PPA2: variants seen among roughly 807,000 people sequenced by gnomAD.
PPA2 encodes inorganic pyrophosphatase 2.
In PPA2, 48 loss-of-function variants were observed where a neutral mutation model predicts 49.5. That is an observed-to-expected ratio of 0.97 (90% CI 0.77 to 1.23). The LOEUF (loss-of-function observed/expected upper bound fraction) is 1.23. PPA2 is among the 50% of genes most tolerant of loss of function. The pLI is 0.00. For missense variants in PPA2, 429 were observed against 410.1 expected (o/e 1.05, Z -0.40); for synonymous variants, 131 against 139.9 (o/e 0.94, Z 0.45).
intron 7 of PPA2, among the ~76,000 whole-genome samples, 164 bp downstream of exon 7, chr4:105,424,032 T>C (rs148785169): frequency 1.4e-4 from 21 of 152,134 alleles, no homozygotes; most frequent in Non-Finnish European, 2.1e-4. Flanking sequence ...GGGAAACCAG[T>C]AGAATGTACT....
At position 105,458,550 on chromosome 4, in the gene PPA2, C is replaced by A. The variant is rs560952685; in HGVS notation, c.158-1805G>T. Among the ~76,000 whole-genome samples the A allele has an allele frequency of 1.6e-4, 24 of 152,126 alleles. 1 individual carries two copies. In the Middle Eastern group the frequency reaches 0.014, roughly 86 times the overall value. The stretch of plus-strand genomic sequence containing the variant: ...CAACAAAAACAGAGGCATGGCCGGG[C>A]ACGATGGCTCACGCTAATTCCAGCA... On this transcript the variant is annotated intron_variant, in intron 1 of 11. Coordinates refer to ENST00000341695, the MANE Select transcript of PPA2 (RefSeq NM_176869.3).
intron 5 of PPA2, among the ~76,000 whole-genome samples, chr4:105,442,986 G>T (rs755645192): frequency 6.6e-6 from 1 of 152,146 alleles, no homozygotes; most frequent in African/African-American, 2.4e-5. Flanking sequence ...CAGGCATTAA[G>T]CTGGGTAGTC....
At chr4:105,443,310 G>T (rs888307990) in intron 5 of PPA2, among the ~76,000 whole-genome samples, 2 of 151,972 alleles carry the variant, frequency 1.3e-5, no homozygotes, top group African/African-American at 4.8e-5. Flanking sequence ...TGTGCTTTGA[G>T]CACCAGAGTG....
intron 7 of PPA2, among the ~76,000 whole-genome samples, chr4:105,407,856 A>G (rs1218947653): frequency 6.6e-6 from 1 of 152,204 alleles, no homozygotes; most frequent in Non-Finnish European, 1.5e-5. Context: ...GAAGGGATTG[A>G]CTGCACAGGG....
At chr4:105,415,955 A>G (rs1487655289) in intron 7 of PPA2, among the ~76,000 whole-genome samples, 1 of 152,224 alleles carries the variant, frequency 6.6e-6, no homozygotes, top group Non-Finnish European at 1.5e-5. Flanking sequence ...GCAAATATCA[A>G]AGTTAATTAG....
intron 6 of PPA2, 120 bp downstream of exon 6, chr4:105,437,830 T>A: frequency 1.4e-6 from 1 of 693,352 alleles, no homozygotes; most frequent in Non-Finnish European, 2.3e-6. Context: ...GAGGGACTGA[T>A]AACAGAGAAA....
At chr4:105,446,206 G>T (rs1437116079) in intron 5 of PPA2, 177 bp downstream of exon 5, 10 of 563,676 alleles carry the variant, frequency 1.8e-5, no homozygotes, top group East Asian at 3.4e-5. Flanking sequence ...CATATATATG[G>T]TTTAAAACAA....
At chr4:105,429,095 G>A (rs1199550664) in intron 6 of PPA2, among the ~76,000 whole-genome samples, 2 of 152,120 alleles carry the variant, frequency 1.3e-5, no homozygotes, top group African/African-American at 2.4e-5. Context: ...AATCTACAAA[G>A]GGGATCATTT....
At chr4:105,458,472 C>T (rs1369596069) in intron 1 of PPA2, among the ~76,000 whole-genome samples, 2 of 152,086 alleles carry the variant, frequency 1.3e-5, no homozygotes, top group Non-Finnish European at 2.9e-5. Context: ...AAAATTATTC[C>T]AAAATGAAGT....
chr4:105,412,748 G>A lies in PPA2; in HGVS notation c.655+11448C>T, dbSNP rs567012989. 7.9e-5 allele frequency among the ~76,000 whole-genome samples: 12 copies of A among 152,308 alleles called. No individual in the cohort carries two copies. The East Asian group carries it at 2.3e-3, about 29-fold the overall frequency. Reference sequence around the variant, plus strand: ...CATGAAAACATGCTCATCATTACTGGTCATCAGAGAAATGCAATTCAAAAC... The same window carrying A: ...CATGAAAACATGCTCATCATTACTGATCATCAGAGAAATGCAATTCAAAAC... On this transcript the variant is annotated intron_variant, in intron 7 of 11. Coordinates refer to ENST00000341695, the MANE Select transcript of PPA2 (RefSeq NM_176869.3).
chr4:105,462,263 C>A (rs992517135), intron 1 of PPA2, among the ~76,000 whole-genome samples: 1 of 152,022 alleles, frequency 6.6e-6, no homozygotes, highest in Admixed American at 6.6e-5. Context: ...TTCCTCAGAA[C>A]CACAGAATAT....
chr4:105,432,555 T>C (rs1184409168), intron 6 of PPA2, among the ~76,000 whole-genome samples: 2 of 152,176 alleles, frequency 1.3e-5, no homozygotes, highest in Admixed American at 6.5e-5. Flanking sequence ...AGGATGGATA[T>C]AAATATGTGG....
chr4:105,391,183 T>A (rs960981011), intron 9 of PPA2, among the ~76,000 whole-genome samples: 1 of 151,290 alleles, frequency 6.6e-6, no homozygotes, highest in Admixed American at 6.6e-5. Context: ...TGGGGCCTGC[T>A]GGTGGGGGGA....
intron 3 of PPA2, among the ~76,000 whole-genome samples, chr4:105,453,291 G>A (rs1722744085): frequency 1.3e-5 from 2 of 152,280 alleles, no homozygotes; most frequent in South Asian, 4.1e-4. Flanking sequence ...TTCAGCTTGG[G>A]ATGGTGAAAA....
chr4:105,373,880 G>A (rs1733131441), intron 10 of PPA2, among the ~76,000 whole-genome samples: 1 of 151,782 alleles, frequency 6.6e-6, no homozygotes, highest in Non-Finnish European at 1.5e-5. Context: ...AAGAGAAACT[G>A]TCATTTAAAT....
At chr4:105,407,344 T>A (rs1347909133) in intron 7 of PPA2, among the ~76,000 whole-genome samples, 1 of 152,192 alleles carries the variant, frequency 6.6e-6, no homozygotes, top group African/African-American at 2.4e-5. Flanking sequence ...TAACAAAGTA[T>A]AAAGAATGAA....
At position 105,456,278 on chromosome 4, in the gene PPA2, T is replaced by G. The variant is rs773098827; in HGVS notation, c.222+403A>C. On this transcript the variant is annotated intron_variant, in intron 2 of 11. Transcript: ENST00000341695. ...CTTAGACAAGTCTATAAAAATGCCT[T>G]GAGCCTCAGTGTCCTTGGAAAGAAA... 6.5e-6 allele frequency: 3 copies of G among 464,482 alleles called. No homozygotes were observed. The Admixed American group carries it at 7.0e-5, about 11-fold the overall frequency. The allele number at this position is 464,482 out of a possible 1,614,324, so 28.8% of individuals were successfully genotyped here. A position where few individuals can be genotyped will look rare whatever the true frequency, so the allele number is the denominator to read the frequency against.
intron 7 of PPA2, among the ~76,000 whole-genome samples, chr4:105,422,170 T>G (rs959241919): frequency 2.6e-5 from 4 of 152,230 alleles, no homozygotes; most frequent in African/African-American, 9.6e-5. Context: ...TACACTTTAC[T>G]CATTCTTTTA....
At chr4:105,382,816 T>C (rs893985009) in intron 10 of PPA2, among the ~76,000 whole-genome samples, 1 of 151,982 alleles carries the variant, frequency 6.6e-6, no homozygotes, top group African/African-American at 2.4e-5. Context: ...CTGGGCAATA[T>C]AGCAAAACTC....
Sources: gnomAD v4.1 joint callset for allele counts (sites outside exome capture counted in the v4.1 genomes callset) on GRCh38, gnomAD v4.1.1 for gene constraint, MANE v1.5 for transcripts, NCBI Gene and HGNC (gene_info 2026-07-23, HGNC 2026-07-21) for gene names.